The following ALS2CL variants were observed in gnomAD, a reference collection of about 807,000 sequenced individuals.
The protein encoded by ALS2CL is ALS2 C-terminal like.
ALS2CL carries 112 observed loss-of-function variants against 127.9 expected under a neutral mutation model. That is an observed-to-expected ratio of 0.88 (90% CI 0.75 to 1.02). ALS2CL has a LOEUF of 1.02. Among genes scored for constraint, ALS2CL ranks in the 50% least tolerant of loss-of-function variants. The pLI is 0.00. For synonymous variants in ALS2CL, 519 were observed against 527.6 expected (o/e 0.98, Z 0.22); for missense variants, 1,174 against 1,236.7 (o/e 0.95, Z 0.76).
rs765721750 is a variant in ALS2CL, at chr3:46,678,345, G to T, written c.1671C>A (p.Phe557Leu). The T allele has an allele frequency of 3.1e-6, 5 of 1,613,318 alleles. No homozygotes were observed. Among genetic ancestry groups the T allele is most frequent in the Non-Finnish European group, 4.2e-6 (5 of 1,179,588 alleles). ...FPNGFTLEGS[F>L]GSGAGRGLHT... is the part of the protein sequence containing the mutation. Reference sequence around the variant, plus strand: ...GCAGTCCTCTCCCTGCCCCACTGCCGAACGAGCCCTCCAGGGTGAAGCCAT... The same window carrying T: ...GCAGTCCTCTCCCTGCCCCACTGCCTAACGAGCCCTCCAGGGTGAAGCCAT... Residue 557 changes from phenylalanine to leucine, a missense_variant, in exon 16 of 26, where the codon TTC (phenylalanine) becomes TTA (leucine). Transcript: ENST00000318962.
rs1559483467 is a variant in ALS2CL, at chr3:46,688,087, A to C, written c.302+11T>G. On this transcript the variant is annotated intron_variant, in intron 3 of 25. Transcript: ENST00000318962. Reference sequence around the variant, plus strand: ...AGGGATGAGCCCCAGCCCCACCTCCAGTGGTCTTACTCTATGTGGGCCTGC... The same window carrying C: ...AGGGATGAGCCCCAGCCCCACCTCCCGTGGTCTTACTCTATGTGGGCCTGC... 1.2e-6 allele frequency: 2 copies of C among 1,610,726 alleles called. No individual in the cohort carries two copies. The highest frequency in any genetic ancestry group is 4.5e-5 in the East Asian group (2 of 44,772).
At chr3:46,685,088 T>C (rs1575441173) in intron 7 of ALS2CL, among the ~76,000 whole-genome samples, 3 of 152,236 alleles carry the variant, frequency 2.0e-5, no homozygotes, top group African/African-American at 7.2e-5. Flanking sequence ...TCCTGTAGGG[T>C]ACTTTTCTCT....
chr3:46,686,847 C>T lies in ALS2CL; in HGVS notation c.534+136G>A. The T allele has an allele frequency of 5.2e-6, 6 of 1,144,082 alleles. No homozygotes were observed. The highest frequency in any genetic ancestry group is 7.1e-6 in the Non-Finnish European group (6 of 849,738). The allele number at this position is 1,144,082 out of a possible 1,614,324, so 70.9% of individuals were successfully genotyped here. A position where few individuals can be genotyped will look rare whatever the true frequency, so the allele number is the denominator to read the frequency against. ...CCACAGGACAGGCCTGTGACTTCCT[C>T]AACCCTCTCCCACCTGCCGGCATGG... On this transcript the variant is annotated intron_variant, in intron 5 of 25. Transcript: ENST00000318962. This position sits in a 1 kb window ranked among gnomAD's most constrained non-coding sequence, Gnocchi z 4.3.
intron 6 of ALS2CL, 110 bp from the exon 7 acceptor site, chr3:46,685,754 A>G: frequency 6.9e-7 from 1 of 1,453,708 alleles, no homozygotes; most frequent in Admixed American, 2.2e-5. Context: ...GGCCCCCTCC[A>G]GTAGACCTGG....
Position 46,681,740 on chromosome 3 carries a change from T to G in ALS2CL, c.1176-142A>C. The G allele has an allele frequency of 4.5e-6, 4 of 886,374 alleles. No homozygotes were observed. In the South Asian group the frequency reaches 6.6e-5, roughly 15 times the overall value. 54.9% of individuals were successfully genotyped at this position (886,374 alleles called of 1,614,324 possible). On this transcript the variant is annotated intron_variant, in intron 11 of 25. Coordinates refer to ENST00000318962, the MANE Select transcript of ALS2CL (RefSeq NM_147129.5). The surrounding 1 kb of genome is among the most constrained non-coding windows in gnomAD (Gnocchi z 4.9). ...CTCTCAGAGGCCCTCAGCCTTCCTA[T>G]CCTTCAAAGGGCCCCTCTCAGGACC...
chr3:46,670,750 G>C lies in ALS2CL; in HGVS notation c.*234C>G. The C allele has an allele frequency of 2.0e-6, 1 of 508,806 alleles. No homozygotes were observed. The highest frequency in any genetic ancestry group is 3.6e-6 in the Non-Finnish European group (1 of 277,896). 31.5% of individuals were successfully genotyped at this position (508,806 alleles called of 1,614,324 possible). ...AGCCTGTGAGCTGCTGCAGATTAAG[G>C]GGTCATTGAAGATGGGCTAGTGGCC... On this transcript the variant is annotated 3_prime_UTR_variant, in exon 26 of 26. Coordinates refer to ENST00000318962, the MANE Select transcript of ALS2CL (RefSeq NM_147129.5). The surrounding 1 kb of genome is among the most constrained non-coding windows in gnomAD (Gnocchi z 5.5).
At chr3:46,676,090 A>ACCCTT in intron 19 of ALS2CL, 155 bp downstream of exon 19, 1 of 1,375,950 alleles carries the variant, frequency 7.3e-7, no homozygotes, top group Non-Finnish European at 9.6e-7. Flanking sequence ...CCACCCTCTA[A>ACCCTT]CCCTTTTGCT....
chr3:46,680,204 A>C, intron 14 of ALS2CL: 1 of 560,278 alleles, frequency 1.8e-6, no homozygotes, highest in South Asian at 2.2e-5. Context: ...AGTATTCTTA[A>C]CCTGAGTTGC....
Position 46,671,675 on chromosome 3 carries a change from A to C in ALS2CL, c.2685-91T>G, listed in dbSNP as rs554751913. 4.4e-6 allele frequency: 7 copies of C among 1,595,016 alleles called. No homozygotes were observed. In the African/African-American group the frequency reaches 9.4e-5, roughly 21 times the overall value. On this transcript the variant is annotated intron_variant, in intron 24 of 25. Transcript: ENST00000318962. Reference sequence around the variant, plus strand: ...AGCTGGGGAAGGAGCGCTGGCCTGGATGGCTGGACACCTGGGGTGTGGTCC... The same window carrying C: ...AGCTGGGGAAGGAGCGCTGGCCTGGCTGGCTGGACACCTGGGGTGTGGTCC...
rs890252404 is a variant in ALS2CL, at chr3:46,687,232, C to A, written c.369-84G>T. On this transcript the variant is annotated intron_variant, in intron 4 of 25. Coordinates refer to ENST00000318962, the MANE Select transcript of ALS2CL (RefSeq NM_147129.5). ...CCGCCACCTCCCTGCCCCAGCTAATCCCCTCAGATCCCAGGGCCAGCCCCA... is the reference window on the plus strand; with the variant it reads ...CCGCCACCTCCCTGCCCCAGCTAATACCCTCAGATCCCAGGGCCAGCCCCA... 5.0e-6 allele frequency: 7 copies of A among 1,399,850 alleles called. No individual in the cohort carries two copies. The Admixed American group carries it at 1.1e-4, about 22-fold the overall frequency. 86.7% of individuals were successfully genotyped at this position (1,399,850 alleles called of 1,614,324 possible).
rs199548814 is a variant in ALS2CL, at chr3:46,671,889, G to A, written c.2679C>T (p.Arg893=). 6.4e-5 allele frequency: 104 copies of A among 1,613,588 alleles called. No homozygotes were observed. The highest frequency in any genetic ancestry group is 4.6e-4 in the South Asian group (42 of 91,044). The change falls in exon 24 of 26, where the codon CGC becomes CGT. Residue 893 remains arginine, a synonymous_variant. Transcript: ENST00000318962. The part of the protein sequence containing the change: ...LLPLLIYVVS[R]ARIQHLGAEI... ...CCAGCTCCTGACTGCCTCACCGGGC[G>A]CGCGACACCACGTAGATGAGAAGTG...
Position 46,681,891 on chromosome 3 carries a change from G to T in ALS2CL, c.1175+138C>A. 8.9e-7 allele frequency: 1 copy of T among 1,124,584 alleles called. No individual in the cohort carries two copies. The highest frequency in any genetic ancestry group is 1.5e-5 in the South Asian group (1 of 66,998). The allele number at this position is 1,124,584 out of a possible 1,614,324, so 69.7% of individuals were successfully genotyped here. A position where few individuals can be genotyped will look rare whatever the true frequency, so the allele number is the denominator to read the frequency against. On this transcript the variant is annotated intron_variant, in intron 11 of 25. Coordinates refer to ENST00000318962, the MANE Select transcript of ALS2CL (RefSeq NM_147129.5). This position sits in a 1 kb window ranked among gnomAD's most constrained non-coding sequence, Gnocchi z 4.9. ...GTTCCCCTTTGGTACAGTGGGCGGG[G>T]GCTGGACCGGATTGTCTCTAAGTTC...
rs751256605 is a variant in ALS2CL at position 46,689,380 on chromosome 3, C to T, written c.61G>A (p.Ala21Thr). 12 of 1,612,468 alleles carry T rather than the reference C, an allele frequency of 7.4e-6. No individual in the cohort carries two copies. Among genetic ancestry groups the T allele is most frequent in the Admixed American group, 1.7e-5 (1 of 59,978 alleles). Residue 21 changes from alanine to threonine, a missense_variant, in exon 2 of 26, where the codon GCC (alanine) becomes ACC (threonine). Transcript: ENST00000318962. ...RLEEVFSATL[A>T]HVNSLVLQPL... ...TGGAGGACAAGGCTGTTGACATGGG[C>T]GAGGGTGGCTGAGAAGACCTCCTCC... is the stretch of plus-strand genomic sequence containing the variant.
chr3:46,674,779 G>A, intron 20 of ALS2CL, 40 bp from the exon 21 acceptor site: 3 of 1,532,572 alleles, frequency 2.0e-6, no homozygotes, highest in Non-Finnish European at 2.6e-6. Context: ...GAGCAAGGTG[G>A]GGTCTGGGAT....
chr3:46,681,202 G>A lies in ALS2CL; in HGVS notation c.1436+44C>T, dbSNP rs13080080. 1.7e-5 allele frequency: 27 copies of A among 1,612,896 alleles called. No individual in the cohort carries two copies. The highest frequency in any genetic ancestry group is 4.0e-5 in the African/African-American group (3 of 74,792). On this transcript the variant is annotated intron_variant, in intron 13 of 25. Transcript: ENST00000318962. The surrounding 1 kb of genome is among the most constrained non-coding windows in gnomAD (Gnocchi z 4.9). The stretch of plus-strand genomic sequence containing the variant: ...GCAACAATCTGGTCTGTGAGGGCCC[G>A]GTCCACCCCTCCGTCCTGGGAGTGG...
At position 46,689,381 on chromosome 3, in the gene ALS2CL, G is replaced by T. The variant is rs370616508; in HGVS notation, c.60C>A (p.Leu20=). The T allele has an allele frequency of 9.3e-6, 15 of 1,612,404 alleles. No homozygotes were observed. Among genetic ancestry groups the T allele is most frequent in the Non-Finnish European group, 1.3e-5 (15 of 1,179,828 alleles). The change falls in exon 2 of 26, where the codon CTC becomes CTA. Residue 20 remains leucine, a synonymous_variant. Coordinates refer to ENST00000318962, the MANE Select transcript of ALS2CL (RefSeq NM_147129.5). ...LRLEEVFSAT[L]AHVNSLVLQP... is the part of the protein sequence containing the mutation. ...GGAGGACAAGGCTGTTGACATGGGC[G>T]AGGGTGGCTGAGAAGACCTCCTCCA...
At chr3:46,689,710 C>T (rs918721359) in intron 1 of ALS2CL, among the ~76,000 whole-genome samples, 3 of 152,232 alleles carry the variant, frequency 2.0e-5, no homozygotes, top group East Asian at 1.9e-4. Flanking sequence ...GGAAGCAACC[C>T]TTTCTTCCCC....
intron 7 of ALS2CL, among the ~76,000 whole-genome samples, chr3:46,684,401 A>T (rs1353939266): frequency 1.6e-5 from 1 of 62,194 alleles, no homozygotes; most frequent in African/African-American, 7.4e-5. Flanking sequence ...TTAAGACCTC[A>T]CAGACCACTA....
rs576701004 is a variant in ALS2CL at position 46,671,677 on chromosome 3, G to A, written c.2685-93C>T. 4 of 1,594,316 alleles carry A rather than the reference G, an allele frequency of 2.5e-6. No individual in the cohort carries two copies. The African/African-American group carries it at 4.0e-5, about 16-fold the overall frequency. Reference sequence around the variant, plus strand: ...CTGGGGAAGGAGCGCTGGCCTGGATGGCTGGACACCTGGGGTGTGGTCCTC... The same window carrying A: ...CTGGGGAAGGAGCGCTGGCCTGGATAGCTGGACACCTGGGGTGTGGTCCTC... On this transcript the variant is annotated intron_variant, in intron 24 of 25. Coordinates refer to ENST00000318962, the MANE Select transcript of ALS2CL (RefSeq NM_147129.5).
Sources: allele counts gnomAD v4.1 joint callset (sites outside exome capture counted in the v4.1 genomes callset), GRCh38; gene constraint gnomAD v4.1.1; non-coding constraint Gnocchi (gnomAD v3.1); transcripts MANE v1.5; gene names NCBI Gene and HGNC (gene_info 2026-07-23, HGNC 2026-07-21).